Variants in XIRP2 observed in about 807,000 individuals in gnomAD.
The protein encoded by XIRP2 is xin actin binding repeat containing 2, also known as xin actin-binding repeat-containing protein 2.
In XIRP2, 236 loss-of-function variants were observed where a neutral mutation model predicts 277.0. The observed-to-expected ratio is 0.85, with a 90% CI of 0.77 to 0.95. The LOEUF (loss-of-function observed/expected upper bound fraction) is 0.95, where lower values mean the gene tolerates loss of function less well. XIRP2 is among the 40% of genes least tolerant of loss of function. The pLI is 0.00. For missense variants in XIRP2, 4,640 were observed against 4,157.5 expected, an observed-to-expected ratio of 1.12 and a Z score of -3.19; for synonymous variants, 1,490 against 1,416.5, an observed-to-expected ratio of 1.05 and a Z score of -1.17.
intron 2 of XIRP2, among the ~76,000 whole-genome samples, chr2:166,947,389 G>A (rs1033415110): frequency 6.6e-6 from 1 of 152,126 alleles, no homozygotes; most frequent in Admixed American, 6.6e-5. Context: ...AAAATTCTTT[G>A]ATATGAACTC....
In XIRP2 at chr2:167,135,974, G is replaced by A. The variant is rs748269368; in HGVS notation, c.474G>A (p.Glu158=). ...AGAGTCACCCTGGGAGCCAGCTGGA[G>A]GATTCTGTGAAAGATTCAGACAAGA... ...AFKSHPGSQL[E]DSVKDSDKKG... is the part of the protein sequence containing the mutation. Residue 158 remains glutamate, a synonymous_variant, in exon 3 of 11, where the codon GAG becomes GAA. Coordinates refer to ENST00000409195, the MANE Select transcript of XIRP2 (RefSeq NM_152381.6). The A allele has an allele frequency of 2.5e-6, 4 of 1,612,006 alleles. No homozygotes were observed. In the African/African-American group the frequency reaches 5.3e-5, roughly 22 times the overall value.
intron 3 of XIRP2, among the ~76,000 whole-genome samples, chr2:167,183,609 T>C (rs1693077892): frequency 6.6e-6 from 1 of 152,322 alleles, no homozygotes; most frequent in Non-Finnish European, 1.5e-5. Context: ...TTTGTCATTT[T>C]AATTTTCTCA....
intron 2 of XIRP2, among the ~76,000 whole-genome samples, chr2:167,102,335 C>T (rs1481535400): frequency 6.6e-6 from 1 of 152,180 alleles, no homozygotes; most frequent in East Asian, 1.9e-4. Context: ...GGCTTTCACC[C>T]CTTATCCTTT....
intron 2 of XIRP2, among the ~76,000 whole-genome samples, chr2:167,026,291 T>G (rs967525537): frequency 1.3e-5 from 2 of 152,110 alleles, no homozygotes; most frequent in Admixed American, 6.6e-5. Flanking sequence ...TGCCTTTTTT[T>G]GTTTTCCATT....
intron 2 of XIRP2, among the ~76,000 whole-genome samples, chr2:167,066,988 A>G (rs112607664): frequency 0.032 from 4,889 of 152,200 alleles, 154 homozygotes; most frequent in African/African-American, 0.081. Flanking sequence ...CTGGTCTTCA[A>G]CCATTTGATT....
At chr2:167,009,469 G>A (rs114874641) in intron 2 of XIRP2, among the ~76,000 whole-genome samples, 5,607 of 151,916 alleles carry the variant, frequency 0.037, 121 homozygotes, top group East Asian at 0.062. Flanking sequence ...TATCATTGTC[G>A]GACATTGGGG....
At chr2:166,947,210 T>C (rs1685897785) in intron 2 of XIRP2, among the ~76,000 whole-genome samples, 1 of 152,210 alleles carries the variant, frequency 6.6e-6, no homozygotes, top group African/African-American at 2.4e-5. Flanking sequence ...TAACAATGAA[T>C]ACTGCATCAT....
At chr2:166,911,527 C>G (rs1322599143) in intron 2 of XIRP2, among the ~76,000 whole-genome samples, 4 of 152,094 alleles carry the variant, frequency 2.6e-5, no homozygotes, top group Non-Finnish European at 4.4e-5. Flanking sequence ...TGGGTCTCCT[C>G]AATACAGCAA....
intron 2 of XIRP2, among the ~76,000 whole-genome samples, chr2:166,995,643 G>T (rs1190291409): frequency 6.6e-6 from 1 of 152,078 alleles, no homozygotes; most frequent in Non-Finnish European, 1.5e-5. Flanking sequence ...CTATAATATG[G>T]GGATAAAAGA....
chr2:167,245,136 TGATAA>T lies in XIRP2; in HGVS notation c.3750_3754del (p.Ile1251ArgfsTer6). On this transcript the variant is annotated frameshift_variant, in exon 9 of 11. Transcript: ENST00000409195. LOFTEE classifies it high-confidence loss of function. ...GGTGGCTTTTTGAAAACCAACCAATTGATAAGATAAAAGAAAGCCAAGAAGGTGAT... is the reference window on the plus strand; with the variant it reads ...GGTGGCTTTTTGAAAACCAACCAATTGATAAAAGAAAGCCAAGAAGGTGAT... 1 of 1,611,736 alleles carries T rather than the reference TGATAA, an allele frequency of 6.2e-7. No individual in the cohort carries two copies. Among genetic ancestry groups the T allele is most frequent in the Non-Finnish European group, 8.5e-7 (1 of 1,179,282 alleles).
At position 167,246,307 on chromosome 2, in the gene XIRP2, C is replaced by A. The variant is rs145994288; in HGVS notation, c.4915C>A (p.Gln1639Lys). Residue 1639 changes from glutamine (Q) to lysine (K), a missense_variant, in exon 9 of 11, where the codon CAA (glutamine) becomes AAA (lysine). Gln to Lys is a moderately conservative substitution (Grantham distance 53). Transcript: ENST00000409195. ...GGGAAATGTTAATTTGACTAAAACT[C>A]AATTATTAAACAGATCAACTGAATT... ...EKGNVNLTKT[Q>K]LLNRSTEFHA... 7.9e-4 allele frequency: 1,278 copies of A among 1,613,018 alleles called. 6 individuals carry two copies. In the African/African-American group the frequency reaches 0.014, roughly 18 times the overall value.
intron 2 of XIRP2, among the ~76,000 whole-genome samples, chr2:166,939,925 T>C (rs1685653374): frequency 6.6e-6 from 1 of 152,130 alleles, no homozygotes; most frequent in Non-Finnish European, 1.5e-5. Context: ...ATTATGTGTC[T>C]TGGAGTTGCT....
chr2:166,897,505 A>C (rs1208806299), intron 1 of XIRP2, among the ~76,000 whole-genome samples: 2 of 152,294 alleles, frequency 1.3e-5, no homozygotes, highest in East Asian at 3.9e-4. Flanking sequence ...GTATTGTAGC[A>C]GTCGGGGTCC....
At chr2:167,027,879 T>C (rs1677387027) in intron 2 of XIRP2, among the ~76,000 whole-genome samples, 2 of 152,072 alleles carry the variant, frequency 1.3e-5, no homozygotes, top group Non-Finnish European at 1.5e-5. Flanking sequence ...AAGTTAAAAC[T>C]TCAGGATCTC....
At chr2:167,032,338 TA>T (rs1262751347) in intron 2 of XIRP2, among the ~76,000 whole-genome samples, 1 of 151,984 alleles carries the variant, frequency 6.6e-6, no homozygotes, top group African/African-American at 2.4e-5. Context: ...CCTAAAACCA[TA>T]AAAACCCTAG....
chr2:167,136,744 C>G (rs1691563814), intron 3 of XIRP2, among the ~76,000 whole-genome samples: 1 of 152,116 alleles, frequency 6.6e-6, no homozygotes, highest in African/African-American at 2.4e-5. Context: ...TCCTCTTTAG[C>G]CAAATAATGT....
chr2:166,987,995 G>A (rs577212763), intron 2 of XIRP2, among the ~76,000 whole-genome samples: 2 of 152,238 alleles, frequency 1.3e-5, no homozygotes, highest in South Asian at 2.1e-4. Flanking sequence ...AAATAACCAC[G>A]AAGCAAACTC....
chr2:166,903,502 G>A lies in XIRP2; in HGVS notation c.20G>A (p.Gly7Asp), dbSNP rs905492934. The stretch of plus-strand genomic sequence containing the variant: ...CCATCCATGTTCCCAATGCAGAAGG[G>A]CTCCCTCAACCTCCTGAGGCAGAAA... MFPMQK[G>D]SLNLLRQKWE... Residue 7 changes from glycine (G) to aspartate (D), a missense_variant, in exon 2 of 11, where the codon GGC becomes GAC. Coordinates refer to ENST00000409195, the MANE Select transcript of XIRP2 (RefSeq NM_152381.6). 1 of 1,612,982 alleles carries A rather than the reference G, an allele frequency of 6.2e-7. No homozygotes were observed. The highest frequency in any genetic ancestry group is 8.5e-7 in the Non-Finnish European group (1 of 1,179,334).
intron 2 of XIRP2, among the ~76,000 whole-genome samples, chr2:166,995,133 G>A (rs1374864207): frequency 1.3e-5 from 2 of 152,032 alleles, no homozygotes; most frequent in African/African-American, 2.4e-5. Context: ...CCCCACCTCG[G>A]CCTCCCAAAG....
Sources: gnomAD v4.1 joint callset for allele counts (sites outside exome capture counted in the v4.1 genomes callset) on GRCh38, gnomAD v4.1.1 for gene constraint, MANE v1.5 for transcripts, NCBI Gene and HGNC (gene_info 2026-07-23, HGNC 2026-07-21) for gene names.